CLYBL: variants seen among roughly 807,000 people sequenced by gnomAD.
CLYBL encodes citramalyl-CoA lyase.
In CLYBL, 31 loss-of-function variants were observed where a neutral mutation model predicts 38.9. The ratio of observed to expected loss-of-function variants is 0.80; its 90% CI spans 0.60 to 1.08. The LOEUF (loss-of-function observed/expected upper bound fraction) is 1.08. CLYBL is among the 50% of genes least tolerant of loss of function. CLYBL has a pLI of 0.00. For missense variants in CLYBL, 434 were observed against 411.6 expected, an observed-to-expected ratio of 1.05 and a Z score of -0.47; for synonymous variants, 171 against 158.6, an observed-to-expected ratio of 1.08 and a Z score of -0.59.
intron 1 of CLYBL, among the ~76,000 whole-genome samples, chr13:99,697,298 A>G (rs1350284725): frequency 6.6e-6 from 1 of 152,190 alleles, no homozygotes; most frequent in African/African-American, 2.4e-5. Context: ...TGCAAATGTC[A>G]CTAGCTTTTG....
chr13:99,644,896 C>A (rs2047154553), intron 1 of CLYBL, among the ~76,000 whole-genome samples: 1 of 152,212 alleles, frequency 6.6e-6, no homozygotes, highest in South Asian at 2.1e-4. Context: ...ATATGTACCA[C>A]AATTTCTTGA....
At chr13:99,847,320 G>A (rs17657985) in intron 2 of CLYBL, among the ~76,000 whole-genome samples, 3,408 of 152,302 alleles carry the variant, frequency 0.022, 98 homozygotes, top group East Asian at 0.16. Context: ...AGCTAGGTAC[G>A]AGGTCCTTTG....
At chr13:99,640,561 C>G (rs1050760164) in intron 1 of CLYBL, among the ~76,000 whole-genome samples, 11 of 152,232 alleles carry the variant, frequency 7.2e-5, no homozygotes, top group African/African-American at 2.4e-4. Flanking sequence ...AGGCTTCCCT[C>G]CTTTTCAGCG....
chr13:99,838,927 C>T (rs375170727), intron 2 of CLYBL, among the ~76,000 whole-genome samples: 5 of 152,224 alleles, frequency 3.3e-5, no homozygotes, highest in South Asian at 4.1e-4. Flanking sequence ...GCGTGAACCA[C>T]GGCGCCTGGC....
chr13:99,901,239 C>G (rs191626932), downstream of CLYBL, among the ~76,000 whole-genome samples: 186 of 152,370 alleles, frequency 1.2e-3, no homozygotes, highest in Non-Finnish European at 1.5e-3. Flanking sequence ...CTCCTTCCAT[C>G]TAGTCCTGCT....
intron 1 of CLYBL, among the ~76,000 whole-genome samples, chr13:99,634,531 C>T (rs2046992291): frequency 6.6e-6 from 1 of 152,034 alleles, no homozygotes; most frequent in African/African-American, 2.4e-5. Context: ...CGCAAGAAAA[C>T]TTTAACAGTG....
chr13:99,836,013 G>A (rs1309768936), intron 2 of CLYBL, among the ~76,000 whole-genome samples: 1 of 152,200 alleles, frequency 6.6e-6, no homozygotes, highest in Non-Finnish European at 1.5e-5. Context: ...CATTAGAGAG[G>A]TGGATTTCAG....
intron 1 of CLYBL, among the ~76,000 whole-genome samples, chr13:99,666,002 A>G (rs2047475978): frequency 1.3e-5 from 2 of 152,100 alleles, no homozygotes; most frequent in Non-Finnish European, 1.5e-5. Flanking sequence ...CTTTTCCAAG[A>G]TATGTCTGGG....
intron 2 of CLYBL, among the ~76,000 whole-genome samples, chr13:99,826,005 G>A (rs919838799): frequency 6.6e-6 from 1 of 152,218 alleles, no homozygotes; most frequent in African/African-American, 2.4e-5. Flanking sequence ...AGTGGCTTAT[G>A]GGATCTTTCT....
intron 1 of CLYBL, among the ~76,000 whole-genome samples, chr13:99,630,237 T>C (rs1282723337): frequency 6.6e-6 from 1 of 152,234 alleles, no homozygotes; most frequent in Non-Finnish European, 1.5e-5. Context: ...AATGCTTTTT[T>C]CAGAGAGGTA....
chr13:99,785,191 C>CTTTTTTTTT (rs58550861), intron 2 of CLYBL, among the ~76,000 whole-genome samples: 1 of 34,204 alleles, frequency 2.9e-5, no homozygotes. Flanking sequence ...CCCCGCCTGG[C>CTTTTTTTTT]TTTTTTTTTT....
intron 1 of CLYBL, among the ~76,000 whole-genome samples, chr13:99,710,704 C>T (rs763912706): frequency 1.4e-4 from 21 of 152,056 alleles, no homozygotes; most frequent in Non-Finnish European, 2.8e-4. Context: ...CTTGGTACAC[C>T]ATTTAGCCCC....
intron 2 of CLYBL, among the ~76,000 whole-genome samples, chr13:99,835,498 AC>A (rs2050914840): frequency 6.6e-6 from 1 of 152,156 alleles, no homozygotes; most frequent in Non-Finnish European, 1.5e-5. Context: ...TGTTGCCTAC[AC>A]CACTTCTGTT....
intron 6 of CLYBL, among the ~76,000 whole-genome samples, chr13:99,868,842 C>A (rs556730517): frequency 1.3e-5 from 2 of 152,262 alleles, no homozygotes; most frequent in Admixed American, 1.3e-4. Flanking sequence ...AAATATGAAG[C>A]ACTATAGGTT....
At chr13:99,895,329 C>T (rs2052561100), downstream of CLYBL, 1 of 152,202 alleles carries the variant, frequency 6.6e-6, no homozygotes, top group Non-Finnish European at 1.5e-5. Context: ...TTATTTCTTT[C>T]CTCTAGTACT....
At chr13:99,815,243 T>C (rs2050419966) in intron 2 of CLYBL, among the ~76,000 whole-genome samples, 1 of 152,164 alleles carries the variant, frequency 6.6e-6, no homozygotes, top group African/African-American at 2.4e-5. Flanking sequence ...AAACCTTGCG[T>C]GCTGCAAGAT....
At chr13:99,666,309 G>A (rs549484031) in intron 1 of CLYBL, among the ~76,000 whole-genome samples, 1 of 152,222 alleles carries the variant, frequency 6.6e-6, no homozygotes, top group South Asian at 2.1e-4. Context: ...CTCAGTAAGG[G>A]GCCAAGTGCT....
chr13:99,750,045 T>C (rs968197314), intron 1 of CLYBL, among the ~76,000 whole-genome samples: 1 of 152,168 alleles, frequency 6.6e-6, no homozygotes, highest in Non-Finnish European at 1.5e-5. Context: ...GTGAATAGGC[T>C]CTTACCTTCA....
At chr13:99,770,680 A>C (rs1324657331) in intron 1 of CLYBL, among the ~76,000 whole-genome samples, 1 of 151,980 alleles carries the variant, frequency 6.6e-6, no homozygotes. Flanking sequence ...TTGGGATTAC[A>C]GGAGTGAGCC....
Sources: allele counts gnomAD v4.1 joint callset (sites outside exome capture counted in the v4.1 genomes callset), GRCh38; gene constraint gnomAD v4.1.1; transcripts MANE v1.5; gene names NCBI Gene and HGNC (gene_info 2026-07-23, HGNC 2026-07-21).